Variants in ADGRL3 observed in about 807,000 individuals in gnomAD.
The protein encoded by ADGRL3 is calcium-independent alpha-latrotoxin receptor 3.
ADGRL3 carries 62 observed loss-of-function variants against 153.5 expected under a neutral mutation model. That is an observed-to-expected ratio of 0.40 (90% CI 0.33 to 0.50). The LOEUF (loss-of-function observed/expected upper bound fraction) is 0.50. ADGRL3 is among the 20% of genes least tolerant of loss of function. The probability of loss-of-function intolerance (pLI) is 0.47; values close to 1 mark genes in which losing one functional copy is unlikely to be tolerated. For synonymous variants in ADGRL3, 710 were observed against 672.5 expected (o/e 1.06, Z -0.86); for missense variants, 1,641 against 1,859.4 (o/e 0.88, Z 2.16).
intron 13 of ADGRL3, among the ~76,000 whole-genome samples, chr4:61,923,584 T>C (rs1156482703): frequency 6.6e-6 from 1 of 152,180 alleles, no homozygotes; most frequent in Non-Finnish European, 1.5e-5. Context: ...TGTACCTTTA[T>C]AGTCACAGTT....
At chr4:62,032,246 C>T (rs984078431) in intron 23 of ADGRL3, among the ~76,000 whole-genome samples, 1 of 151,096 alleles carries the variant, frequency 6.6e-6, no homozygotes, top group Admixed American at 6.6e-5. Flanking sequence ...TCTGTTTTTG[C>T]AAATGTTTAC....
chr4:61,811,180 G>A (rs2097612542), intron 8 of ADGRL3, among the ~76,000 whole-genome samples: 1 of 152,016 alleles, frequency 6.6e-6, no homozygotes, highest in African/African-American at 2.4e-5. Context: ...TGTACATAGA[G>A]GCTCAAAGCA....
At chr4:61,832,812 CTT>C (rs11340246) in intron 9 of ADGRL3, among the ~76,000 whole-genome samples, 197 of 136,926 alleles carry the variant, frequency 1.4e-3, no homozygotes, top group African/African-American at 1.6e-3. Flanking sequence ...TTTTCTTTTT[CTT>C]TTTTTTTTTT....
intron 6 of ADGRL3, among the ~76,000 whole-genome samples, chr4:61,685,176 C>T (rs2095419946): frequency 6.6e-6 from 1 of 152,052 alleles, no homozygotes; most frequent in Non-Finnish European, 1.5e-5. Context: ...CCTCGGCCTC[C>T]CAAAGTTTTG....
intron 25 of ADGRL3, among the ~76,000 whole-genome samples, chr4:62,052,359 A>G (rs559225684): frequency 5.3e-5 from 8 of 151,642 alleles, no homozygotes; most frequent in African/African-American, 1.9e-4. Context: ...GAAGTTATTC[A>G]CGTCTTTATT....
rs147963726 is a variant in ADGRL3 at position 61,292,784 on chromosome 4, T to C, written c.-239-90340T>C. Among the ~76,000 whole-genome samples the C allele has an allele frequency of 1.8e-4, 28 of 151,594 alleles. No homozygotes were observed. In the East Asian group the frequency reaches 5.2e-3, roughly 28 times the overall value. On this transcript the variant is annotated intron_variant, in intron 1 of 26. Transcript: ENST00000683033. Reference sequence around the variant, plus strand: ...AAAGGTGGAGATCTTAGATGCTTTTTATGTTCTTTTTGATGCCTATTCTCA... The same window carrying C: ...AAAGGTGGAGATCTTAGATGCTTTTCATGTTCTTTTTGATGCCTATTCTCA...
intron 25 of ADGRL3, among the ~76,000 whole-genome samples, chr4:62,066,598 C>T (rs1287767772): frequency 1.3e-5 from 2 of 151,934 alleles, no homozygotes; most frequent in Non-Finnish European, 2.9e-5. Flanking sequence ...TATACAAAAA[C>T]CTGTCAACAA....
intron 9 of ADGRL3, among the ~76,000 whole-genome samples, chr4:61,870,993 CG>C (rs2098440238): frequency 6.6e-6 from 1 of 152,056 alleles, no homozygotes; most frequent in Non-Finnish European, 1.5e-5. Flanking sequence ...AAAGTGTATA[CG>C]GGGGCCGGGC....
intron 9 of ADGRL3, among the ~76,000 whole-genome samples, chr4:61,841,416 G>A (rs538027449): frequency 5.9e-5 from 9 of 152,188 alleles, no homozygotes; most frequent in African/African-American, 1.4e-4. Flanking sequence ...GCTTGTACCC[G>A]GGAGGAAACT....
intron 22 of ADGRL3, among the ~76,000 whole-genome samples, chr4:62,030,381 G>A (rs1721345702): frequency 6.6e-6 from 1 of 151,650 alleles, no homozygotes; most frequent in East Asian, 1.9e-4. Flanking sequence ...GATGTGCTGG[G>A]AATAAAGAGG....
At chr4:61,618,286 G>A (rs2092224570) in intron 5 of ADGRL3, among the ~76,000 whole-genome samples, 1 of 152,194 alleles carries the variant, frequency 6.6e-6, no homozygotes, top group Non-Finnish European at 1.5e-5. Context: ...GTAAAACACA[G>A]ATTATCGTTA....
At chr4:61,740,888 C>G (rs780757837) in intron 8 of ADGRL3, among the ~76,000 whole-genome samples, 1 of 152,080 alleles carries the variant, frequency 6.6e-6, no homozygotes, top group Non-Finnish European at 1.5e-5. Flanking sequence ...TTCTTATGTA[C>G]GCTAAAGATG....
intron 2 of ADGRL3, among the ~76,000 whole-genome samples, chr4:61,471,999 A>G (rs962538322): frequency 2.6e-5 from 4 of 152,090 alleles, no homozygotes; most frequent in Admixed American, 2.0e-4. Flanking sequence ...TGTATTTAAG[A>G]AACAGTAAGC....
chr4:62,057,297 A>G (rs1265054364), intron 25 of ADGRL3, among the ~76,000 whole-genome samples: 2 of 152,130 alleles, frequency 1.3e-5, no homozygotes, highest in East Asian at 1.9e-4. Flanking sequence ...GGGCCTCCCA[A>G]TGTCAAAACA....
intron 19 of ADGRL3, among the ~76,000 whole-genome samples, chr4:61,993,164 T>TTTTGTG (rs1553904369): frequency 5.1e-5 from 7 of 138,424 alleles, no homozygotes; most frequent in Non-Finnish European, 7.7e-5. Context: ...TGGGCTGCAG[T>TTTTGTG]TGTGTGTGTG....
intron 4 of ADGRL3, among the ~76,000 whole-genome samples, chr4:61,577,867 T>A (rs1262586947): frequency 6.6e-6 from 1 of 151,864 alleles, no homozygotes; most frequent in East Asian, 1.9e-4. Flanking sequence ...GAATGTCACA[T>A]TTTAAAGTGG....
At chr4:61,421,139 C>A (rs2097201877) in intron 2 of ADGRL3, among the ~76,000 whole-genome samples, 2 of 152,084 alleles carry the variant, frequency 1.3e-5, no homozygotes, top group East Asian at 3.9e-4. Context: ...TCGAGACCAT[C>A]CTGGCTAACA....
intron 2 of ADGRL3, among the ~76,000 whole-genome samples, chr4:61,476,658 A>AAG (rs2098059935): frequency 7.1e-6 from 1 of 140,168 alleles, no homozygotes; most frequent in African/African-American, 2.6e-5. Flanking sequence ...GTGGTGAGCC[A>AAG]AGATCATGCC....
intron 3 of ADGRL3, among the ~76,000 whole-genome samples, chr4:61,512,097 GC>G (rs1208941498): frequency 1.3e-5 from 2 of 148,370 alleles, no homozygotes; most frequent in Admixed American, 6.8e-5. Flanking sequence ...TCTCTTCTCT[GC>G]CCCCCAACCC....
Sources: allele counts gnomAD v4.1 joint callset (sites outside exome capture counted in the v4.1 genomes callset), GRCh38; gene constraint gnomAD v4.1.1; transcripts MANE v1.5; gene names NCBI Gene and HGNC (gene_info 2026-07-23, HGNC 2026-07-21).